PFKP: variants seen among roughly 807,000 people sequenced by gnomAD.
PFKP encodes phosphofructokinase, platelet.
Under a neutral mutation model 94.3 loss-of-function variants are expected in PFKP, and 101 were observed. The observed-to-expected ratio is 1.07, with a 90% CI of 0.91 to 1.26. The LOEUF (loss-of-function observed/expected upper bound fraction) is 1.26, where lower values mean the gene tolerates loss of function less well. Among genes scored for constraint, PFKP ranks in the 50% most tolerant of loss-of-function variants. PFKP has a pLI of 0.00. For synonymous variants in PFKP, 573 were observed against 432.6 expected, an observed-to-expected ratio of 1.32 and a Z score of -4.03; for missense variants, 1,145 against 1,103.3, an observed-to-expected ratio of 1.04 and a Z score of -0.53.
chr10:3,124,226 C>T (rs1338229349), intron 16 of PFKP, among the ~76,000 whole-genome samples: 2 of 152,174 alleles, frequency 1.3e-5, no homozygotes, highest in Admixed American at 1.3e-4. Flanking sequence ...TGGGGATATT[C>T]ACAGTAAGAC....
chr10:3,080,409 C>G (rs1365067576), intron 1 of PFKP, among the ~76,000 whole-genome samples: 2 of 149,522 alleles, frequency 1.3e-5, no homozygotes, highest in Admixed American at 1.4e-4. Flanking sequence ...CCCAGCTGCT[C>G]AGGAGGCTGA....
Position 3,136,688 on chromosome 10 carries a change from T to TTGG in PFKP, c.*109_*110insTGG. ...ACGTATTATTGACATTAATACCTAA[T>TTGG]CGGCGAGTGCCCATCTGCCCCACCT... On this transcript the variant is annotated 3_prime_UTR_variant, in exon 22 of 22. Coordinates refer to ENST00000381125, the MANE Select transcript of PFKP (RefSeq NM_002627.5). The TTGG allele has an allele frequency of 1.1e-5, 14 of 1,235,154 alleles. No homozygotes were observed. Among genetic ancestry groups the TTGG allele is most frequent in the Non-Finnish European group, 1.6e-5 (14 of 882,986 alleles). The allele number at this position is 1,235,154 out of a possible 1,614,324, so 76.5% of individuals were successfully genotyped here.
rs777472788 is a variant in PFKP, at chr10:3,103,864, C to T, written c.540C>T (p.Gly180=). Residue 180 remains glycine (G), a synonymous_variant, in exon 5 of 22, where the codon GGC becomes GGT. Transcript: ENST00000381125. ...GCTCCATCGACAATGATTTCTGCGG[C>T]ACCGACATGACCATCGGCACGGACT... The part of the protein sequence containing the change: ...MVGSIDNDFC[G]TDMTIGTDSA... 1.3e-5 allele frequency: 21 copies of T among 1,613,930 alleles called. No homozygotes were observed. The highest frequency in any genetic ancestry group is 1.6e-4 in the Middle Eastern group (1 of 6,084).
At chr10:3,116,647 T>C in intron 13 of PFKP, 129 bp from the exon 14 acceptor site, 2 of 724,062 alleles carry the variant, frequency 2.8e-6, no homozygotes, top group South Asian at 3.1e-5. Flanking sequence ...TGATAAATGC[T>C]GTCTCATACG....
intron 11 of PFKP, 145 bp downstream of exon 11, chr10:3,112,431 C>A: frequency 1.4e-6 from 1 of 697,870 alleles, no homozygotes. Flanking sequence ...ACCGCTCTTG[C>A]AGTAGCAGGC....
intron 2 of PFKP, among the ~76,000 whole-genome samples, chr10:3,083,076 C>G (rs1012520100): frequency 2.0e-5 from 3 of 152,196 alleles, no homozygotes; most frequent in Non-Finnish European, 4.4e-5. Context: ...AACCAATGAT[C>G]TCTAATTGGT....
intron 2 of PFKP, among the ~76,000 whole-genome samples, chr10:3,092,979 G>T (rs573527206): frequency 1.7e-4 from 26 of 150,340 alleles, no homozygotes; most frequent in Non-Finnish European, 2.7e-4. Flanking sequence ...ATGGGGGTAG[G>T]GGGGTGGCCA....
chr10:3,069,402 C>A (rs201336725), intron 1 of PFKP: 1 of 1,581,786 alleles, frequency 6.3e-7, no homozygotes, highest in Non-Finnish European at 8.6e-7. Context: ...ACGAATGGAG[C>A]CGCCTTGGGG....
chr10:3,090,400 A>C (rs1833950401), intron 2 of PFKP, among the ~76,000 whole-genome samples: 1 of 152,178 alleles, frequency 6.6e-6, no homozygotes, highest in Non-Finnish European at 1.5e-5. Context: ...GGACTTGGAA[A>C]AGTCTGAGAC....
At chr10:3,107,982 T>C (rs750107924) in intron 8 of PFKP, 1 of 1,289,728 alleles carries the variant, frequency 7.8e-7, no homozygotes, top group South Asian at 1.2e-5. Context: ...GCAAGTCGGC[T>C]TCTTTATTGT....
rs146982179 is a variant in PFKP, at chr10:3,088,028, G to T, written c.186+5567G>T. ...TTTTACATTATACTTTAAGTTCTAG[G>T]GTACATGTGCACAACGTGCAGGTTT... On this transcript the variant is annotated intron_variant, in intron 2 of 21. Coordinates refer to ENST00000381125, the MANE Select transcript of PFKP (RefSeq NM_002627.5). Among the ~76,000 whole-genome samples the T allele has an allele frequency of 5.4e-3, 707 of 131,768 alleles. 6 individuals are homozygous for T. The highest frequency in any genetic ancestry group is 0.021 in the African/African-American group (672 of 31,882). 86.4% of individuals were successfully genotyped at this position (131,768 alleles called of 152,430 possible). A position where few individuals can be genotyped will look rare whatever the true frequency, so the allele number is the denominator to read the frequency against.
chr10:3,108,389 T>C (rs927103545), intron 8 of PFKP, among the ~76,000 whole-genome samples: 1 of 152,268 alleles, frequency 6.6e-6, no homozygotes, highest in African/African-American at 2.4e-5. Context: ...AGTAATAGTT[T>C]AAATGCAAGC....
chr10:3,092,279 A>C (rs1209620287), intron 2 of PFKP, among the ~76,000 whole-genome samples: 2 of 152,184 alleles, frequency 1.3e-5, no homozygotes, highest in African/African-American at 4.8e-5. Context: ...ACCAATAAAC[A>C]AACCATTAAC....
chr10:3,077,252 TTTTTTTTTC>T (rs1384805779), intron 1 of PFKP, among the ~76,000 whole-genome samples: 25 of 92,582 alleles, frequency 2.7e-4, no homozygotes, highest in Non-Finnish European at 4.1e-4. Flanking sequence ...TTCTTTACTT[TTTTTTTTTC>T]TTTTTTTTTT....
chr10:3,130,059 G>C, intron 17 of PFKP, 76 bp downstream of exon 17: 2 of 1,392,592 alleles, frequency 1.4e-6, no homozygotes, highest in East Asian at 4.8e-5. Flanking sequence ...ATCGTGTCTA[G>C]GGTGGTTTGC....
rs1278439083 is a variant in PFKP, at chr10:3,110,497, T to TGAGCCAC, written c.1089+1018_1089+1024dup. Among the ~76,000 whole-genome samples the TGAGCCAC allele has an allele frequency of 3.3e-5, 5 of 151,270 alleles. No individual in the cohort carries two copies. The East Asian group carries it at 9.7e-4, about 29-fold the overall frequency. ...TCCCAAAGTGCTGGGATTACAGGCA[T>TGAGCCAC]GAGCCACCACGCCCAGCTGTTGTTT... On this transcript the variant is annotated intron_variant, in intron 10 of 21. Transcript: ENST00000381125.
At position 3,112,251 on chromosome 10, in the gene PFKP, G is replaced by C. The variant is rs375685481; in HGVS notation, c.1119G>C (p.Glu373Asp). 4.3e-6 allele frequency: 7 copies of C among 1,613,904 alleles called. No individual in the cohort carries two copies. Among genetic ancestry groups the C allele is most frequent in the Non-Finnish European group, 5.9e-6 (7 of 1,179,884 alleles). Residue 373 changes from glutamate to aspartate, a missense_variant, in exon 11 of 22, where the codon GAG becomes GAC. This residue lies in a region of PFKP where 1,119 missense variants were observed against 1,062.8 expected (regional missense o/e 1.05). Transcript: ENST00000381125. ...AGGATGTGCAGAAGGCGATGGACGA[G>C]AGGAGATTTCAAGATGCGGTTCGAC... ...MTQDVQKAMD[E>D]RRFQDAVRLR...
intron 2 of PFKP, among the ~76,000 whole-genome samples, chr10:3,087,984 C>CTTTTTTCTTTTT (rs1833734397): frequency 2.1e-5 from 2 of 96,622 alleles, no homozygotes; most frequent in Non-Finnish European, 4.0e-5. Flanking sequence ...ATCTTTCATT[C>CTTTTTTCTTTTT]TTTTTTTTTT....
chr10:3,134,533 C>T lies in PFKP; in HGVS notation c.2073C>T (p.Ala691=), dbSNP rs576385673. ...FDRNFGTKIS[A]RAMEWITAKL... is the part of the protein sequence containing the mutation. ...GAAACTTTGGAACCAAAATCTCTGC[C>T]AGAGCTATGGAGTGGATCACTGCAA... is the stretch of plus-strand genomic sequence containing the variant. The change falls in exon 20 of 22, where the codon GCC becomes GCT. Residue 691 remains alanine (A), a synonymous_variant. Transcript: ENST00000381125. 6.2e-6 allele frequency: 10 copies of T among 1,614,076 alleles called. No homozygotes were observed. The African/African-American group carries it at 1.1e-4, about 17-fold the overall frequency.
Sources: allele counts gnomAD v4.1 joint callset (sites outside exome capture counted in the v4.1 genomes callset), GRCh38; gene constraint gnomAD v4.1.1; regional missense constraint gnomAD v4.1.1; transcripts MANE v1.5; gene names NCBI Gene and HGNC (gene_info 2026-07-23, HGNC 2026-07-21).